Variants in FRZB observed in about 807,000 individuals in gnomAD.
The protein encoded by FRZB is frizzled related protein, also known as secreted frizzled-related protein 3.
FRZB carries 34 observed loss-of-function variants against 32.5 expected under a neutral mutation model. The ratio of observed to expected loss-of-function variants is 1.05; its 90% CI spans 0.80 to 1.39. The LOEUF (loss-of-function observed/expected upper bound fraction) is 1.39. Ranked by LOEUF, FRZB falls within the 40% of genes most tolerant of loss-of-function variation. The pLI is 0.00. For missense variants in FRZB, 423 were observed against 424.8 expected, an observed-to-expected ratio of 1.00 and a Z score of 0.04; for synonymous variants, 170 against 159.2, an observed-to-expected ratio of 1.07 and a Z score of -0.51.
chr2:182,851,784 C>T (rs1181681172), intron 2 of FRZB, among the ~76,000 whole-genome samples: 1 of 151,920 alleles, frequency 6.6e-6, no homozygotes, highest in Non-Finnish European at 1.5e-5. Context: ...AGAGAGTAAT[C>T]ACAACTAGAG....
Position 182,834,964 on chromosome 2 carries a change from C to T in FRZB, c.863G>A (p.Arg288His), listed in dbSNP as rs373076417. ...WKDRLGKKVK[R>H]WDMKLRHLGL... ...AAGATGACGAAGCTTCATATCCCAG[C>T]GCTGTGAAATTTAAAATAGAAAATA... is the stretch of plus-strand genomic sequence containing the variant. Residue 288 changes from arginine (R) to histidine (H), a missense_variant and splice_region_variant, in exon 6 of 6, where the codon CGC becomes CAC. Arg to His is a conservative substitution (Grantham distance 29, BLOSUM62 0). Transcript: ENST00000295113. 2.7e-5 allele frequency: 44 copies of T among 1,603,388 alleles called. No homozygotes were observed. The highest frequency in any genetic ancestry group is 4.5e-5 in the East Asian group (2 of 44,802).
Position 182,833,946 on chromosome 2 carries a change from A to G in FRZB, c.*903T>C, listed in dbSNP as rs536514866. ...TAAAAACTAACCCTGGTGCACGTGC[A>G]TACATAATCTTTTCCTGGTCAATAC... On this transcript the variant is annotated 3_prime_UTR_variant, in exon 6 of 6. Transcript: ENST00000295113. 1.3e-5 allele frequency: 2 copies of G among 152,264 alleles called. No homozygotes were observed. The highest frequency in any genetic ancestry group is 4.8e-5 in the African/African-American group (2 of 41,564). The allele number at this position is 152,264 out of a possible 1,614,324, so 9.4% of individuals were successfully genotyped here.
intron 2 of FRZB, among the ~76,000 whole-genome samples, chr2:182,842,992 T>C (rs1388632766): frequency 6.6e-6 from 1 of 152,154 alleles, no homozygotes; most frequent in Non-Finnish European, 1.5e-5. Flanking sequence ...CTCCTCCTAC[T>C]ATTAGCTCCT....
At chr2:182,862,861 G>A (rs986362770) in intron 1 of FRZB, among the ~76,000 whole-genome samples, 12 of 151,604 alleles carry the variant, frequency 7.9e-5, no homozygotes, top group African/African-American at 2.2e-4. Flanking sequence ...CTCCACCTCC[G>A]GAGTTCAAGT....
intron 1 of FRZB, among the ~76,000 whole-genome samples, chr2:182,865,024 T>TG (rs1695875052): frequency 6.6e-6 from 1 of 152,172 alleles, no homozygotes; most frequent in Admixed American, 6.5e-5. Flanking sequence ...TAGGTTTAGT[T>TG]GGGGTCTTAA....
At chr2:182,843,634 T>C (rs1022734150) in intron 2 of FRZB, among the ~76,000 whole-genome samples, 1 of 152,158 alleles carries the variant, frequency 6.6e-6, no homozygotes, top group Admixed American at 6.5e-5. Context: ...AAAGGCATTT[T>C]ATGGCTGGGC....
intron 2 of FRZB, among the ~76,000 whole-genome samples, chr2:182,846,080 C>T (rs570554361): frequency 6.6e-6 from 1 of 152,150 alleles, no homozygotes; most frequent in East Asian, 1.9e-4. Flanking sequence ...AGAATCTTAG[C>T]CTTCTTTATT....
rs544923903 is a variant in FRZB, at chr2:182,839,286, G to A, written c.593-673C>T. Among the ~76,000 whole-genome samples the A allele has an allele frequency of 4.6e-4, 69 of 151,582 alleles. 1 individual carries two copies. The highest frequency in any genetic ancestry group is 3.4e-3 in the Middle Eastern group (1 of 294). ...GTGGGCTACATTTTCTTCTTTGTTC[G>A]GATATTAGGTCCTTTTTTCCTTTGT... On this transcript the variant is annotated intron_variant, in intron 3 of 5. Transcript: ENST00000295113.
intron 5 of FRZB, among the ~76,000 whole-genome samples, chr2:182,836,351 A>T (rs1409778291): frequency 6.6e-6 from 1 of 152,124 alleles, no homozygotes; most frequent in East Asian, 1.9e-4. Flanking sequence ...AATCTCAATA[A>T]TTCTGGCCAA....
At chr2:182,843,319 A>G (rs552599490) in intron 2 of FRZB, among the ~76,000 whole-genome samples, 110 of 152,196 alleles carry the variant, frequency 7.2e-4, no homozygotes, top group Non-Finnish European at 1.3e-3. Context: ...TATAGGGTAG[A>G]TTCATTTGAC....
chr2:182,865,150 G>A (rs555106650), intron 1 of FRZB, among the ~76,000 whole-genome samples: 9 of 152,274 alleles, frequency 5.9e-5, no homozygotes, highest in Admixed American at 5.2e-4. Context: ...AATGACTGTG[G>A]TTGGTGCACA....
Position 182,842,563 on chromosome 2 carries a change from T to C in FRZB, c.527-20A>G, listed in dbSNP as rs1340953013. 6.3e-7 allele frequency: 1 copy of C among 1,582,380 alleles called. No individual in the cohort carries two copies. Among genetic ancestry groups the C allele is most frequent in the Admixed American group, 1.7e-5 (1 of 59,826 alleles). On this transcript the variant is annotated intron_variant, in intron 2 of 5. Coordinates refer to ENST00000295113, the MANE Select transcript of FRZB (RefSeq NM_001463.4). ...AGCGTTCTGAAAAACACATTTTAGT[T>C]ATAAGCACATTTCCAATATTAGCTT...
chr2:182,858,940 G>T, intron 1 of FRZB, 107 bp from the exon 2 acceptor site: 1 of 908,490 alleles, frequency 1.1e-6, no homozygotes, highest in Non-Finnish European at 1.8e-6. Context: ...GAATCCAATT[G>T]TCTGAAGGAA....
intron 2 of FRZB, among the ~76,000 whole-genome samples, chr2:182,845,978 A>G (rs1695635126): frequency 6.6e-6 from 1 of 152,220 alleles, no homozygotes; most frequent in Non-Finnish European, 1.5e-5. Context: ...CTCAGGGGAA[A>G]TGCCCCATGA....
intron 3 of FRZB, among the ~76,000 whole-genome samples, chr2:182,839,515 A>G (rs1574982369): frequency 6.6e-6 from 1 of 152,020 alleles, no homozygotes; most frequent in Non-Finnish European, 1.5e-5. Flanking sequence ...TTGGCACCCA[A>G]TTTATCTCAC....
chr2:182,846,261 A>G (rs899294563), intron 2 of FRZB, among the ~76,000 whole-genome samples: 2 of 152,194 alleles, frequency 1.3e-5, no homozygotes, highest in African/African-American at 4.8e-5. Flanking sequence ...GTTCAAGCTT[A>G]AGTGTGATAA....
At position 182,866,326 on chromosome 2, in the gene FRZB, A is replaced by G; in HGVS notation, c.227T>C (p.Leu76Pro). The change falls in exon 1 of 6, where the codon CTG (leucine) becomes CCG (proline). Residue 76 changes from leucine (L) to proline (P), a missense_variant. Coordinates refer to ENST00000295113, the MANE Select transcript of FRZB (RefSeq NM_001463.4). The surrounding 1 kb of genome is among the most constrained non-coding windows in gnomAD (Gnocchi z 4.5). Reference protein sequence around the residue: ...ILAIEQFEGLLGTHCSPDLLF... With the variant: ...ILAIEQFEGLPGTHCSPDLLF... Reference sequence around the variant, plus strand: ...CAGATCGGGGCTGCAGTGGGTGCCCAGCAGACCTTCGAACTGCTCGATGGC... The same window carrying G: ...CAGATCGGGGCTGCAGTGGGTGCCCGGCAGACCTTCGAACTGCTCGATGGC... 6.2e-7 allele frequency: 1 copy of G among 1,614,226 alleles called. No homozygotes were observed. Among genetic ancestry groups the G allele is most frequent in the Non-Finnish European group, 8.5e-7 (1 of 1,180,024 alleles).
chr2:182,859,065 T>A (rs1215391028), intron 1 of FRZB, among the ~76,000 whole-genome samples: 2 of 152,068 alleles, frequency 1.3e-5, no homozygotes, highest in Admixed American at 6.5e-5. Flanking sequence ...TACTCAACTG[T>A]GCATAAAATT....
At chr2:182,843,111 A>G (rs1695603866) in intron 2 of FRZB, among the ~76,000 whole-genome samples, 1 of 152,218 alleles carries the variant, frequency 6.6e-6, no homozygotes, top group African/African-American at 2.4e-5. Flanking sequence ...AATAGCTACC[A>G]TTCAACTCAA....
Sources: allele counts gnomAD v4.1 joint callset (sites outside exome capture counted in the v4.1 genomes callset), GRCh38; gene constraint gnomAD v4.1.1; non-coding constraint Gnocchi (gnomAD v3.1); transcripts MANE v1.5; gene names NCBI Gene and HGNC (gene_info 2026-07-23, HGNC 2026-07-21).